NLRP12: variants seen among roughly 807,000 people sequenced by gnomAD.
NLRP12 encodes the protein NLR family pyrin domain containing 12, also known as NACHT, LRR and PYD domains-containing protein 12.
NLRP12 carries 108 observed loss-of-function variants against 91.2 expected under a neutral mutation model. That is an observed-to-expected ratio of 1.18 (90% CI 1.01 to 1.39). The LOEUF is 1.39. Among genes scored for constraint, NLRP12 ranks in the 40% most tolerant of loss-of-function variants. The pLI is 0.00. For synonymous variants in NLRP12, 613 were observed against 566.7 expected, an observed-to-expected ratio of 1.08 and a Z score of -1.16; for missense variants, 1,530 against 1,352.7, an observed-to-expected ratio of 1.13 and a Z score of -2.06.
chr19:53,797,370 G>A (rs1047221412), intron 8 of NLRP12, among the ~76,000 whole-genome samples: 4 of 151,814 alleles, frequency 2.6e-5, no homozygotes, highest in Admixed American at 1.3e-4. Flanking sequence ...TGATCTGTCC[G>A]CCTTGGACTC....
chr19:53,804,534 C>G (rs562005660), intron 5 of NLRP12, among the ~76,000 whole-genome samples: 150 of 150,558 alleles, frequency 1.0e-3, no homozygotes, highest in Non-Finnish European at 1.8e-3. Flanking sequence ...GTAGCTGGGA[C>G]TACAGGCTGG....
At chr19:53,796,580 C>T (rs1237970285) in intron 8 of NLRP12, among the ~76,000 whole-genome samples, 1 of 152,064 alleles carries the variant, frequency 6.6e-6, no homozygotes, top group East Asian at 1.9e-4. Context: ...GAGGGGATTT[C>T]ACCATGTTGG....
intron 1 of NLRP12, among the ~76,000 whole-genome samples, chr19:53,815,682 C>T (rs1233824179): frequency 6.6e-6 from 1 of 152,106 alleles, no homozygotes; most frequent in East Asian, 1.9e-4. Context: ...AATCTTGGCT[C>T]ACTGCAACCT....
intron 4 of NLRP12, chr19:53,805,747 G>A (rs556106397): frequency 3.0e-5 from 12 of 399,398 alleles, no homozygotes; most frequent in African/African-American, 2.3e-4. Context: ...TGAACTCCTG[G>A]GTCAAGTGAT....
chr19:53,795,888 GC>G lies in NLRP12; in HGVS notation c.3068del (p.Ser1023ThrfsTer17), dbSNP rs770957692. 1.1e-5 allele frequency: 17 copies of G among 1,614,026 alleles called. No homozygotes were observed. The East Asian group carries it at 3.6e-4, about 34-fold the overall frequency. ...TGVRLLCKRL[S>X]HPGCKLRVLW... ...GGACTCGGAGTTTGCAGCCAGGATG[GC>G]TCAGCCGCTTGCAAAGCAGTCGGAC... On this transcript the variant is annotated frameshift_variant, in exon 9 of 10. Transcript: ENST00000324134. LOFTEE classifies it low-confidence loss of function (END_TRUNC).
chr19:53,812,412 C>CAA (rs59986011), intron 2 of NLRP12, among the ~76,000 whole-genome samples: 2,618 of 118,488 alleles, frequency 0.022, 74 homozygotes, highest in African/African-American at 0.075. Context: ...GACTCTGCCT[C>CAA]AAAAAAAAAA....
chr19:53,804,747 G>A (rs1437389875), intron 5 of NLRP12, among the ~76,000 whole-genome samples: 1 of 151,396 alleles, frequency 6.6e-6, no homozygotes, highest in Non-Finnish European at 1.5e-5. Context: ...ATTTTTGTAG[G>A]TCGAGTGCAG....
At chr19:53,815,063 G>T in intron 1 of NLRP12, 75 bp from the exon 2 acceptor site, 4 of 1,106,114 alleles carry the variant, frequency 3.6e-6, no homozygotes, top group Non-Finnish European at 5.6e-6. Context: ...CTGCGATTAC[G>T]TCGAAATGCC....
Position 53,810,310 on chromosome 19 carries a change from G to A in NLRP12, c.1349C>T (p.Pro450Leu), listed in dbSNP as rs143640165. The A allele has an allele frequency of 3.3e-5, 54 of 1,613,566 alleles. No individual in the cohort carries two copies. The highest frequency in any genetic ancestry group is 2.7e-4 in the African/African-American group (20 of 74,896). Residue 450 changes from proline to leucine, a missense_variant, in exon 3 of 10, where the codon CCG (proline) becomes CTG (leucine). Physicochemically the swap from Pro to Leu is moderately conservative, Grantham distance 98. Transcript: ENST00000324134. ...CTGGTTGGGTGGGGGCTGGAGGCGCGGGGCCCCCGGCTTGGGTTGCATCAG... is the reference window on the plus strand; with the variant it reads ...CTGGTTGGGTGGGGGCTGGAGGCGCAGGGCCCCCGGCTTGGGTTGCATCAG... ...LSLMQPKPGA[P>L]RLQPPPNQRG...
At position 53,796,779 on chromosome 19, in the gene NLRP12, C is replaced by T. The variant is rs1451277842; in HGVS notation, c.2928-750G>A. On this transcript the variant is annotated intron_variant, in intron 8 of 9. Coordinates refer to ENST00000324134, the MANE Select transcript of NLRP12 (RefSeq NM_144687.4). ...TGGGAGGCCGAGGCAGGCAGATCAC[C>T]TGAGGTCGGGAGTTCAAGACCAGCC... 3.3e-5 allele frequency among the ~76,000 whole-genome samples: 5 copies of T among 151,904 alleles called. No individual in the cohort carries two copies. In the South Asian group the frequency reaches 1.0e-3, roughly 32 times the overall value.
Position 53,809,611 on chromosome 19 carries a change from C to A in NLRP12, c.2048G>T (p.Gly683Val), listed in dbSNP as rs2092024362. 4 of 1,613,260 alleles carry A rather than the reference C, an allele frequency of 2.5e-6. No homozygotes were observed. In the South Asian group the frequency reaches 3.3e-5, roughly 13 times the overall value. ...CAGCTGCACCAACAGCGTGTGCGCT[C>A]CTGCGGAGCACCTCGCGCGGTCTTC... ...DGEDRARCSA[G>V]AHTLLVQLPE... The change falls in exon 3 of 10, where the codon GGA becomes GTA. Residue 683 changes from glycine (G) to valine (V), a missense_variant. Transcript: ENST00000324134.
At chr19:53,801,883 G>A (rs139374527) in intron 6 of NLRP12, among the ~76,000 whole-genome samples, 1,518 of 151,794 alleles carry the variant, frequency 0.01, 34 homozygotes, top group African/African-American at 0.034. Context: ...ACCTGAGGTC[G>A]GGAGTTTGAG....
intron 1 of NLRP12, among the ~76,000 whole-genome samples, chr19:53,816,382 C>CT (rs1157232637): frequency 1.3e-5 from 2 of 152,010 alleles, no homozygotes; most frequent in Non-Finnish European, 2.9e-5. Flanking sequence ...GCCCGCCCCC[C>CT]CCAACAGTCT....
At chr19:53,815,039 C>G (rs753012714) in intron 1 of NLRP12, 51 bp from the exon 2 acceptor site, 1 of 1,351,416 alleles carries the variant, frequency 7.4e-7, no homozygotes, top group Non-Finnish European at 1.1e-6. Context: ...GCTAGTAGCA[C>G]CGCGTCATAT....
chr19:53,803,362 T>C (rs1263266523), intron 6 of NLRP12, among the ~76,000 whole-genome samples: 2 of 151,878 alleles, frequency 1.3e-5, no homozygotes, highest in Non-Finnish European at 2.9e-5. Context: ...TGTATTTTAG[T>C]AGAGACGGGG....
intron 8 of NLRP12, among the ~76,000 whole-genome samples, chr19:53,797,381 C>T (rs1302950580): frequency 6.6e-6 from 1 of 151,832 alleles, no homozygotes; most frequent in Non-Finnish European, 1.5e-5. Context: ...CCTTGGACTC[C>T]CAAAGTGCTG....
intron 6 of NLRP12, among the ~76,000 whole-genome samples, chr19:53,803,072 G>A (rs1479205598): frequency 6.6e-6 from 1 of 152,026 alleles, no homozygotes; most frequent in East Asian, 1.9e-4. Flanking sequence ...TTGATCCATG[G>A]TTGATGAAAT....
At position 53,807,492 on chromosome 19, in the gene NLRP12, C is replaced by T. The variant is rs747332519; in HGVS notation, c.2243+3G>A. 1 of 1,613,486 alleles carries T rather than the reference C, an allele frequency of 6.2e-7. No individual in the cohort carries two copies. The highest frequency in any genetic ancestry group is 8.5e-7 in the Non-Finnish European group (1 of 1,179,758). ...TGAAACGCCCAGACCAGCCTGCACT[C>T]ACCTCAGGTTCTGAAGTTTGCAGTT... On this transcript the variant is annotated splice_donor_region_variant and intron_variant, in intron 4 of 9. Transcript: ENST00000324134.
At chr19:53,804,931 G>C (rs2122603971) in intron 5 of NLRP12, among the ~76,000 whole-genome samples, 1 of 152,196 alleles carries the variant, frequency 6.6e-6, no homozygotes, top group African/African-American at 2.4e-5. Flanking sequence ...TTGGGAGCCT[G>C]AGGCAGGAGA....
Sources: gnomAD v4.1 joint callset for allele counts (sites outside exome capture counted in the v4.1 genomes callset) on GRCh38, gnomAD v4.1.1 for gene constraint, MANE v1.5 for transcripts, NCBI Gene and HGNC (gene_info 2026-07-23, HGNC 2026-07-21) for gene names.